NLGN4X: variants seen among roughly 807,000 people sequenced by gnomAD.
NLGN4X encodes neuroligin 4 X-linked, also known as neuroligin-4, X-linked.
A neutral mutation model predicts 40.3 loss-of-function variants in NLGN4X; 3 were observed. That is an observed-to-expected ratio of 0.07 (90% CI 0.03 to 0.19). The LOEUF is 0.19. Among genes scored for constraint, NLGN4X ranks in the 10% least tolerant of loss-of-function variants. The pLI, the probability that NLGN4X is intolerant of heterozygous loss-of-function variation, is 1.00. For missense variants in NLGN4X, 382 were observed against 708.3 expected (o/e 0.54, Z 5.23); for synonymous variants, 270 against 306.8 (o/e 0.88, Z 1.25).
intron 3 of NLGN4X, among the ~76,000 whole-genome samples, chrX:5,913,361 T>C (rs574869825): frequency 6.3e-5 from 7 of 111,559 alleles, no homozygotes; most frequent in Middle Eastern, 4.7e-3. Flanking sequence ...TGAGTGCTGC[T>C]CCTGAGAAGT....
intron 1 of NLGN4X, among the ~76,000 whole-genome samples, chrX:6,197,978 T>C (rs1245186905): frequency 1.8e-5 from 2 of 109,473 alleles, no homozygotes; most frequent in Non-Finnish European, 3.8e-5. Context: ...GGTGGGAGGA[T>C]TGCTTGAGCC....
At chrX:6,085,520 T>C (rs966126960) in intron 2 of NLGN4X, among the ~76,000 whole-genome samples, 1 of 112,008 alleles carries the variant, frequency 8.9e-6, no homozygotes, top group African/African-American at 3.2e-5. Flanking sequence ...ACTGGCTTCA[T>C]GGATATAACA....
chrX:6,073,508 T>C (rs1248077830), intron 2 of NLGN4X, among the ~76,000 whole-genome samples: 3 of 112,086 alleles, frequency 2.7e-5, no homozygotes, highest in Middle Eastern at 9.3e-3. Flanking sequence ...ATGATATACA[T>C]AAAAAATAAC....
intron 2 of NLGN4X, among the ~76,000 whole-genome samples, chrX:6,045,938 A>G (rs1602125218): frequency 8.9e-6 from 1 of 111,945 alleles, no homozygotes; most frequent in Non-Finnish European, 1.9e-5. Context: ...TGACTATCCA[A>G]CAAGAGAAAG....
At chrX:6,022,164 A>G (rs984141631) in intron 3 of NLGN4X, among the ~76,000 whole-genome samples, 2 of 112,026 alleles carry the variant, frequency 1.8e-5, no homozygotes, top group African/African-American at 6.5e-5. Context: ...AGACAGAGAG[A>G]GGCAATTCTT....
At chrX:6,101,571 G>A (rs2038908278) in intron 2 of NLGN4X, among the ~76,000 whole-genome samples, 1 of 111,329 alleles carries the variant, frequency 9.0e-6, no homozygotes, top group Admixed American at 9.6e-5. Flanking sequence ...GGGACAGAAA[G>A]ACTGTTATCA....
Position 5,960,973 on chromosome X carries a change from G to A in NLGN4X, c.626-51734C>T, listed in dbSNP as rs761131523. 6.2e-4 allele frequency among the ~76,000 whole-genome samples: 68 copies of A among 110,441 alleles called. 1 individual carries two copies. The highest frequency in any genetic ancestry group is 1.1e-3 in the African/African-American group (35 of 30,477). Reference sequence around the variant, plus strand: ...ACATTAATAATAAATTTCAGACCTCGGGGGGAGAATTTATTTATTCATTTA... The same window carrying A: ...ACATTAATAATAAATTTCAGACCTCAGGGGGAGAATTTATTTATTCATTTA... On this transcript the variant is annotated intron_variant, in intron 3 of 5. Coordinates refer to ENST00000381095, the MANE Select transcript of NLGN4X (RefSeq NM_181332.3).
Position 6,216,973 on chromosome X carries a change from G to A in NLGN4X, c.-306+11568C>T, listed in dbSNP as rs912471156. Among the ~76,000 whole-genome samples, 8 of 111,386 alleles carry A rather than the reference G, an allele frequency of 7.2e-5. 1 individual carries two copies. The highest frequency in any genetic ancestry group is 2.8e-4 in the East Asian group (1 of 3,531). ...CCTGACTTATTTTTAAATTTTTTTC[G>A]TATGGATGGTGTTTCCTAGACTGGT... On this transcript the variant is annotated intron_variant, in intron 1 of 5. Transcript: ENST00000381095.
intron 3 of NLGN4X, among the ~76,000 whole-genome samples, chrX:5,971,332 C>T (rs909624701): frequency 9.0e-6 from 1 of 110,780 alleles, no homozygotes; most frequent in Non-Finnish European, 1.9e-5. Context: ...TACTAAATTT[C>T]AAGCCTGTGT....
At chrX:6,098,239 G>C (rs1009797737) in intron 2 of NLGN4X, among the ~76,000 whole-genome samples, 2 of 112,148 alleles carry the variant, frequency 1.8e-5, no homozygotes, top group Non-Finnish European at 3.8e-5. Flanking sequence ...AGGCTGCAGT[G>C]AGCTATCTAT....
At chrX:6,025,554 T>G (rs2147205701) in intron 3 of NLGN4X, among the ~76,000 whole-genome samples, 1 of 111,993 alleles carries the variant, frequency 8.9e-6, no homozygotes, top group East Asian at 2.8e-4. Context: ...GTATAATGGT[T>G]GCTGCTGAGA....
chrX:6,153,461 G>A (rs1226870930), intron 1 of NLGN4X, among the ~76,000 whole-genome samples: 1 of 112,077 alleles, frequency 8.9e-6, no homozygotes, highest in Non-Finnish European at 1.9e-5. Context: ...TCCCATTTCT[G>A]AATAATTAAG....
intron 3 of NLGN4X, among the ~76,000 whole-genome samples, chrX:5,968,406 A>G (rs2034898477): frequency 1.4e-5 from 1 of 73,455 alleles, no homozygotes; most frequent in Admixed American, 1.7e-4. Context: ...TACCAATTGG[A>G]TCTAGTATGG....
At chrX:6,117,259 T>C in intron 2 of NLGN4X, among the ~76,000 whole-genome samples, 1 of 110,671 alleles carries the variant, frequency 9.0e-6, no homozygotes, top group Non-Finnish European at 1.9e-5. Context: ...AATTCCTGAC[T>C]CTCAACCCTT....
chrX:5,975,645 A>G (rs1276937158), intron 3 of NLGN4X, among the ~76,000 whole-genome samples: 4 of 109,620 alleles, frequency 3.6e-5, no homozygotes, highest in Non-Finnish European at 7.6e-5. Flanking sequence ...TTAAAAAATA[A>G]GCACTTTGTA....
intron 2 of NLGN4X, among the ~76,000 whole-genome samples, chrX:6,041,205 A>T (rs1250421308): frequency 8.9e-6 from 1 of 111,776 alleles, no homozygotes; most frequent in Non-Finnish European, 1.9e-5. Flanking sequence ...TGCTTGGCCA[A>T]TGAGCACCCA....
chrX:5,918,937 T>C (rs769181299), intron 3 of NLGN4X, among the ~76,000 whole-genome samples: 1 of 112,384 alleles, frequency 8.9e-6, no homozygotes, highest in South Asian at 3.7e-4. Flanking sequence ...TCTCTTACTA[T>C]ACTGAAGTTT....
chrX:6,097,437 G>A (rs2038807239), intron 2 of NLGN4X, among the ~76,000 whole-genome samples: 1 of 111,106 alleles, frequency 9.0e-6, no homozygotes, highest in Admixed American at 9.6e-5. Context: ...AATCTAATGA[G>A]AGAGACTTGG....
intron 2 of NLGN4X, among the ~76,000 whole-genome samples, chrX:6,077,269 T>TG (rs778080906): frequency 0.27 from 21,764 of 80,146 alleles, 1,913 homozygotes; most frequent in Admixed American, 0.32. Flanking sequence ...AAAATTTTAT[T>TG]TTGTGTGTGT....
Sources: gnomAD v4.1 joint callset for allele counts (sites outside exome capture counted in the v4.1 genomes callset) on GRCh38, gnomAD v4.1.1 for gene constraint, MANE v1.5 for transcripts, NCBI Gene and HGNC (gene_info 2026-07-23, HGNC 2026-07-21) for gene names.